Variants in FBXL17 observed in about 807,000 individuals in gnomAD.
FBXL17 encodes F-box/LRR-repeat protein 17.
In FBXL17, 22 loss-of-function variants were observed where a neutral mutation model predicts 66.2. That is an observed-to-expected ratio of 0.33 (90% CI 0.24 to 0.47). The LOEUF (loss-of-function observed/expected upper bound fraction) is 0.47, where lower values mean the gene tolerates loss of function less well. Ranked by LOEUF, FBXL17 falls within the 20% of genes least tolerant of loss-of-function variation. FBXL17 has a pLI of 1.00. For missense variants in FBXL17, 878 were observed against 948.2 expected (o/e 0.93, Z 0.97); for synonymous variants, 474 against 400.5 (o/e 1.18, Z -2.19).
chr5:107,863,589 A>T (rs1748193193), intron 8 of FBXL17, among the ~76,000 whole-genome samples: 1 of 141,788 alleles, frequency 7.1e-6, no homozygotes, highest in Admixed American at 7.3e-5. Flanking sequence ...AGTACTTATT[A>T]TTGTACTAAG....
chr5:108,008,705 C>A (rs369763246), intron 7 of FBXL17, among the ~76,000 whole-genome samples: 1 of 152,068 alleles, frequency 6.6e-6, no homozygotes. Flanking sequence ...TCTGGATGCG[C>A]GCAGCTTGGT....
chr5:108,128,246 TAA>T (rs36090862), intron 6 of FBXL17, among the ~76,000 whole-genome samples: 1 of 145,566 alleles, frequency 6.9e-6, no homozygotes, highest in African/African-American at 2.5e-5. Context: ...ACTCCATCTT[TAA>T]AAAAAAAAAA....
chr5:108,079,343 T>C (rs1748676976), intron 6 of FBXL17, among the ~76,000 whole-genome samples: 1 of 152,132 alleles, frequency 6.6e-6, no homozygotes, highest in African/African-American at 2.4e-5. Flanking sequence ...TGGAGCAAAG[T>C]GATCCTGAAA....
intron 6 of FBXL17, among the ~76,000 whole-genome samples, chr5:108,073,680 G>A (rs1748427766): frequency 6.6e-6 from 1 of 152,112 alleles, no homozygotes; most frequent in Admixed American, 6.5e-5. Context: ...ACATGTTAAG[G>A]TTATTGTCAT....
chr5:108,147,825 A>G (rs1751617439), intron 6 of FBXL17, among the ~76,000 whole-genome samples: 1 of 152,184 alleles, frequency 6.6e-6, no homozygotes, highest in East Asian at 1.9e-4. Context: ...ATCACCTATG[A>G]AAGAATGTTA....
intron 7 of FBXL17, among the ~76,000 whole-genome samples, chr5:107,939,806 C>T (rs1751035494): frequency 1.3e-5 from 2 of 152,126 alleles, no homozygotes; most frequent in African/African-American, 4.8e-5. Flanking sequence ...GCACTCCTGT[C>T]TCAAGATTAG....
At chr5:108,338,664 A>T (rs1746672172) in intron 4 of FBXL17, among the ~76,000 whole-genome samples, 1 of 152,108 alleles carries the variant, frequency 6.6e-6, no homozygotes, top group South Asian at 2.1e-4. Context: ...AGGGTTGGGA[A>T]AAAAAAGTAT....
In FBXL17 at chr5:107,946,283, A is replaced by T. The variant is rs1306203520; in HGVS notation, c.1823-65104T>A. 3.2e-4 allele frequency among the ~76,000 whole-genome samples: 28 copies of T among 87,778 alleles called. 4 individuals are homozygous for T. Among genetic ancestry groups the T allele is most frequent in the Non-Finnish European group, 4.7e-4 (20 of 42,694 alleles). The allele number at this position is 87,778 out of a possible 152,430, so 57.6% of individuals were successfully genotyped here. A position where few individuals can be genotyped will look rare whatever the true frequency, so the allele number is the denominator to read the frequency against. On this transcript the variant is annotated intron_variant, in intron 7 of 8. Transcript: ENST00000542267. ...TATATATATATATATATATATATAT[A>T]TATATATATATATATATATATATAT...
At chr5:107,865,193 C>T (rs951343301) in intron 8 of FBXL17, among the ~76,000 whole-genome samples, 3 of 152,190 alleles carry the variant, frequency 2.0e-5, no homozygotes, top group African/African-American at 7.2e-5. Context: ...AATTTATACA[C>T]AGGTTTGTAC....
At chr5:108,161,925 T>A (rs1752233347) in intron 6 of FBXL17, among the ~76,000 whole-genome samples, 1 of 152,198 alleles carries the variant, frequency 6.6e-6, no homozygotes, top group Admixed American at 6.5e-5. Context: ...AATTAAAAAC[T>A]GTCCACGTAT....
At chr5:107,887,214 A>C (rs1406214406) in intron 7 of FBXL17, among the ~76,000 whole-genome samples, 1 of 152,220 alleles carries the variant, frequency 6.6e-6, no homozygotes, top group Admixed American at 6.5e-5. Flanking sequence ...ATTTCAAAAC[A>C]AGGAGTAAAA....
chr5:107,969,698 C>T (rs1455309985), intron 7 of FBXL17, among the ~76,000 whole-genome samples: 2 of 152,106 alleles, frequency 1.3e-5, no homozygotes, highest in Non-Finnish European at 2.9e-5. Context: ...TGATATTAGA[C>T]AAGGGAATTG....
At chr5:108,114,393 T>C (rs1449407771) in intron 6 of FBXL17, among the ~76,000 whole-genome samples, 1 of 83,808 alleles carries the variant, frequency 1.2e-5, no homozygotes, top group Non-Finnish European at 2.8e-5. Context: ...TAAATCATCA[T>C]TTATATTGAG....
chr5:108,038,659 T>G (rs1420403534), intron 6 of FBXL17, among the ~76,000 whole-genome samples: 1 of 152,056 alleles, frequency 6.6e-6, no homozygotes. Context: ...TGAATAAATA[T>G]GAACACAAAA....
intron 4 of FBXL17, among the ~76,000 whole-genome samples, chr5:108,242,845 C>T (rs996638861): frequency 2.0e-5 from 3 of 151,974 alleles, no homozygotes; most frequent in African/African-American, 7.3e-5. Flanking sequence ...CAAAAATGTT[C>T]ATGTGAAACT....
At chr5:108,282,264 A>C (rs1417034451) in intron 4 of FBXL17, among the ~76,000 whole-genome samples, 4 of 151,910 alleles carry the variant, frequency 2.6e-5, no homozygotes, top group Non-Finnish European at 4.4e-5. Context: ...AGACACAAAA[A>C]TCCTCAACAT....
intron 7 of FBXL17, among the ~76,000 whole-genome samples, chr5:107,929,228 T>C (rs1488520284): frequency 1.3e-5 from 2 of 152,106 alleles, no homozygotes; most frequent in African/African-American, 4.8e-5. Context: ...TTTTATTTCC[T>C]TGTGGGTGGG....
chr5:108,326,077 C>T (rs541506716), intron 4 of FBXL17, among the ~76,000 whole-genome samples: 14 of 152,112 alleles, frequency 9.2e-5, no homozygotes, highest in Non-Finnish European at 1.8e-4. Context: ...AGAAAAACAA[C>T]TGATACTATC....
chr5:108,014,940 G>A (rs529711548), intron 7 of FBXL17, among the ~76,000 whole-genome samples: 22 of 152,098 alleles, frequency 1.4e-4, no homozygotes, highest in African/African-American at 4.6e-4. Flanking sequence ...ATCAGATCTC[G>A]TGAGACTTAT....
Sources: gnomAD v4.1 joint callset for allele counts (sites outside exome capture counted in the v4.1 genomes callset) on GRCh38, gnomAD v4.1.1 for gene constraint, MANE v1.5 for transcripts, NCBI Gene and HGNC (gene_info 2026-07-23, HGNC 2026-07-21) for gene names.